The following SPMIP11 variants were observed in gnomAD, a reference collection of about 807,000 sequenced individuals.
The protein encoded by SPMIP11 is sperm microtubule inner protein 11.
the SPMIP11 span, among the ~76,000 whole-genome samples, chr12:48,745,071 C>A: frequency 2.6e-5 from 4 of 152,098 alleles, no homozygotes; most frequent in East Asian, 3.9e-4. Flanking sequence ...GAGATGGAGA[C>A]CATCCTGGCT....
the SPMIP11 span, among the ~76,000 whole-genome samples, chr12:48,747,160 T>C: frequency 6.6e-6 from 1 of 152,184 alleles, no homozygotes; most frequent in Non-Finnish European, 1.5e-5. Flanking sequence ...ACTTTTATTT[T>C]TTATTTTTTT....
At chr12:48,728,807 A>G in the SPMIP11 span, among the ~76,000 whole-genome samples, 1 of 152,076 alleles carries the variant, frequency 6.6e-6, no homozygotes, top group Non-Finnish European at 1.5e-5. Flanking sequence ...GTTCGTGGGT[A>G]CACATAAAGG....
chr12:48,771,402 G>A, the SPMIP11 span: 1 of 526,630 alleles, frequency 1.9e-6, no homozygotes, highest in South Asian at 2.0e-5. The surrounding 1 kb of genome is among the most constrained non-coding windows in gnomAD (Gnocchi z 4.3). Flanking sequence ...GGTCTCATGA[G>A]GTTCTGTCCA....
the SPMIP11 span, among the ~76,000 whole-genome samples, chr12:48,746,830 A>C: frequency 6.6e-6 from 1 of 152,024 alleles, no homozygotes; most frequent in African/African-American, 2.4e-5. Flanking sequence ...CTGAGGCAGG[A>C]GAATCACTTG....
At chr12:48,736,471 T>A in the SPMIP11 span, among the ~76,000 whole-genome samples, 1 of 151,524 alleles carries the variant, frequency 6.6e-6, no homozygotes, top group Admixed American at 6.6e-5. Flanking sequence ...TGGTTCTATA[T>A]GTACTGATTG....
At chr12:48,756,354 A>G in the SPMIP11 span, among the ~76,000 whole-genome samples, 1 of 152,210 alleles carries the variant, frequency 6.6e-6, no homozygotes, top group Admixed American at 6.5e-5. Flanking sequence ...TTATATGCTA[A>G]CCAAGGCTTC....
At chr12:48,763,881 T>G in the SPMIP11 span, among the ~76,000 whole-genome samples, 1 of 152,098 alleles carries the variant, frequency 6.6e-6, no homozygotes, top group Non-Finnish European at 1.5e-5. Context: ...TTTCACCATG[T>G]TGGCCAGGCT....
chr12:48,739,015 C>T, the SPMIP11 span, among the ~76,000 whole-genome samples: 36 of 150,566 alleles, frequency 2.4e-4, no homozygotes, highest in East Asian at 7.0e-3. Flanking sequence ...CATTTTTGGT[C>T]CTCTGATTTT....
At chr12:48,770,838 A>T in the SPMIP11 span, 7 of 1,614,248 alleles carry the variant, frequency 4.3e-6, no homozygotes, top group Non-Finnish European at 5.9e-6. Flanking sequence ...CGCATGGCGT[A>T]GTCAGCCAGG....
chr12:48,758,899 C>T, the SPMIP11 span, among the ~76,000 whole-genome samples: 1 of 152,168 alleles, frequency 6.6e-6, no homozygotes, highest in African/African-American at 2.4e-5. Flanking sequence ...AATGTCTACC[C>T]AGATAAGGGC....
At chr12:48,740,686 A>C in the SPMIP11 span, among the ~76,000 whole-genome samples, 2 of 149,050 alleles carry the variant, frequency 1.3e-5, no homozygotes, top group African/African-American at 2.5e-5. Flanking sequence ...AAGAGAGGAG[A>C]TCTCAGCCTG....
chr12:48,771,189 A>G, the SPMIP11 span: 2 of 583,782 alleles, frequency 3.4e-6, no homozygotes, highest in African/African-American at 1.9e-5. The surrounding 1 kb of genome is among the most constrained non-coding windows in gnomAD (Gnocchi z 4.3). Flanking sequence ...AGGTCCCTCC[A>G]GTAGCTCACT....
At chr12:48,768,815 G>A in the SPMIP11 span, 239,352 of 1,554,538 alleles carry the variant, frequency 0.15, 22,983 homozygotes, top group African/African-American at 0.46. Flanking sequence ...CCTTCCCCCA[G>A]TCCCTGCCCC....
At chr12:48,751,588 G>T in the SPMIP11 span, among the ~76,000 whole-genome samples, 1 of 152,168 alleles carries the variant, frequency 6.6e-6, no homozygotes, top group Non-Finnish European at 1.5e-5. Context: ...CCTAGTGACA[G>T]AGTGAGACTG....
chr12:48,733,229 G>A, the SPMIP11 span, among the ~76,000 whole-genome samples: 14 of 150,932 alleles, frequency 9.3e-5, no homozygotes, highest in South Asian at 2.1e-4. Context: ...CACCTGCCAC[G>A]CCACTTGGCT....
At chr12:48,751,440 C>T in the SPMIP11 span, among the ~76,000 whole-genome samples, 1 of 151,038 alleles carries the variant, frequency 6.6e-6, no homozygotes, top group African/African-American at 2.4e-5. Context: ...ACAGTGGGAC[C>T]CTGTCTCTAC....
chr12:48,762,138 A>G, the SPMIP11 span, among the ~76,000 whole-genome samples: 2 of 132,660 alleles, frequency 1.5e-5, no homozygotes, highest in African/African-American at 6.0e-5. Flanking sequence ...GGCTCACCAC[A>G]AGCTCTGCCT....
the SPMIP11 span, chr12:48,765,546 A>G: frequency 1.4e-6 from 1 of 701,076 alleles, no homozygotes; most frequent in Non-Finnish European, 2.6e-6. Context: ...AGCTATTTTT[A>G]AGGATCTCCT....
At chr12:48,730,304 T>C in the SPMIP11 span, among the ~76,000 whole-genome samples, 2 of 152,180 alleles carry the variant, frequency 1.3e-5, no homozygotes, top group East Asian at 1.9e-4. Flanking sequence ...TTTCTCATTC[T>C]GGTGACAGAA....
Sources: gnomAD v4.1 joint callset for allele counts (sites outside exome capture counted in the v4.1 genomes callset) on GRCh38, gnomAD v4.1.1 for gene constraint, Gnocchi (gnomAD v3.1) non-coding constraint, MANE v1.5 for transcripts, NCBI Gene and HGNC (gene_info 2026-07-23, HGNC 2026-07-21) for gene names.